GATAD2A: variants seen among roughly 807,000 people sequenced by gnomAD.
The protein encoded by GATAD2A is transcriptional repressor p66-alpha.
A neutral mutation model predicts 68.5 loss-of-function variants in GATAD2A; 12 were observed. The observed-to-expected ratio is 0.18, with a 90% CI of 0.11 to 0.28. The LOEUF is 0.28. Ranked by LOEUF, GATAD2A falls within the 10% of genes least tolerant of loss-of-function variation. The probability of loss-of-function intolerance (pLI) is 1.00; values close to 1 mark genes in which losing one functional copy is unlikely to be tolerated. For missense variants in GATAD2A, 755 were observed against 868.5 expected (o/e 0.87, Z 1.64); for synonymous variants, 410 against 375.3 (o/e 1.09, Z -1.07).
chr19:19,436,217 C>A, intron 1 of GATAD2A: 1 of 1,359,420 alleles, frequency 7.4e-7, no homozygotes. Context: ...ACCCCGAAGC[C>A]AGGTGAGTGC....
intron 2 of GATAD2A, among the ~76,000 whole-genome samples, chr19:19,490,874 G>C (rs2059748222): frequency 6.6e-6 from 1 of 152,186 alleles, no homozygotes; most frequent in Non-Finnish European, 1.5e-5. Flanking sequence ...GACAGAGCAA[G>C]ACTCCATCTC....
At chr19:19,471,459 C>G (rs376081128) in intron 2 of GATAD2A, among the ~76,000 whole-genome samples, 1 of 151,948 alleles carries the variant, frequency 6.6e-6, no homozygotes, top group African/African-American at 2.4e-5. Flanking sequence ...GCATGTCCCC[C>G]CAAAAAGCAA....
At chr19:19,499,793 C>T (rs756574810) in intron 8 of GATAD2A, among the ~76,000 whole-genome samples, 8 of 151,864 alleles carry the variant, frequency 5.3e-5, no homozygotes, top group Non-Finnish European at 8.8e-5. Flanking sequence ...CAGTCGCTCT[C>T]GTAACTCCCG....
At chr19:19,386,262 C>T (rs895666486) in intron 1 of GATAD2A, 3 of 152,900 alleles carry the variant, frequency 2.0e-5, no homozygotes, top group African/African-American at 7.2e-5. Context: ...ACTTCCCCCT[C>T]AGGGGAGCCC....
At chr19:19,454,728 G>GCCCTC (rs2056759458) in intron 1 of GATAD2A, among the ~76,000 whole-genome samples, 1 of 121,616 alleles carries the variant, frequency 8.2e-6, no homozygotes, top group Admixed American at 8.1e-5. Flanking sequence ...GAGCCACTGT[G>GCCCTC]CCCCCCCCCA....
At chr19:19,390,542 G>A (rs1161210050) in intron 1 of GATAD2A, among the ~76,000 whole-genome samples, 2 of 152,180 alleles carry the variant, frequency 1.3e-5, no homozygotes, top group Non-Finnish European at 2.9e-5. Flanking sequence ...TGTGAGATGG[G>A]TTTACTGTAT....
chr19:19,420,275 G>A (rs1467139549), intron 1 of GATAD2A, among the ~76,000 whole-genome samples: 1 of 142,446 alleles, frequency 7.0e-6, no homozygotes, highest in Non-Finnish European at 1.5e-5. Flanking sequence ...CGCCCGCCTC[G>A]GCCTCCCAAA....
intron 11 of GATAD2A, among the ~76,000 whole-genome samples, chr19:19,502,987 G>A (rs993166482): frequency 1.3e-5 from 2 of 152,222 alleles, no homozygotes; most frequent in Admixed American, 1.3e-4. Context: ...CCAGGGCAGC[G>A]GCTGGCTCAC....
chr19:19,436,131 G>T, intron 1 of GATAD2A: 1 of 1,361,704 alleles, frequency 7.3e-7, no homozygotes, highest in Non-Finnish European at 9.8e-7. Context: ...TTTGCTTTAG[G>T]TTGGTCAGCA....
intron 1 of GATAD2A, among the ~76,000 whole-genome samples, chr19:19,424,921 C>T (rs2052887648): frequency 6.6e-6 from 1 of 151,760 alleles, no homozygotes. Context: ...TGAGACCATC[C>T]TGGGCAACAT....
intron 1 of GATAD2A, chr19:19,435,202 A>G (rs1391949145): frequency 2.0e-6 from 1 of 493,452 alleles, no homozygotes; most frequent in Non-Finnish European, 4.3e-6. Flanking sequence ...ACATACTCCT[A>G]AGTACCTATT....
At chr19:19,410,450 A>T (rs1251169431) in intron 1 of GATAD2A, among the ~76,000 whole-genome samples, 1 of 152,150 alleles carries the variant, frequency 6.6e-6, no homozygotes, top group Middle Eastern at 3.4e-3. Flanking sequence ...GTGGTACAGG[A>T]TTGGGGAGAA....
intron 2 of GATAD2A, chr19:19,473,965 A>T (rs1048481351): frequency 1.6e-5 from 13 of 818,854 alleles, no homozygotes; most frequent in Admixed American, 1.2e-4. Flanking sequence ...AAAACAACAC[A>T]TATTAACACC....
chr19:19,493,085 C>T (rs960179535), intron 4 of GATAD2A, among the ~76,000 whole-genome samples: 4 of 151,970 alleles, frequency 2.6e-5, no homozygotes, highest in Admixed American at 6.6e-5. Context: ...GGACTACAGG[C>T]GCGTGCCACC....
chr19:19,481,429 CA>C (rs781251231), intron 2 of GATAD2A, among the ~76,000 whole-genome samples: 2 of 152,210 alleles, frequency 1.3e-5, no homozygotes, highest in Non-Finnish European at 2.9e-5. Flanking sequence ...CTCCTGGGCT[CA>C]AGTGATCCTT....
intron 1 of GATAD2A, among the ~76,000 whole-genome samples, chr19:19,439,535 G>A (rs1337991808): frequency 6.6e-6 from 1 of 152,094 alleles, no homozygotes; most frequent in Non-Finnish European, 1.5e-5. Context: ...TTCTCTCAGG[G>A]GTATTTGCAA....
chr19:19,404,608 G>C (rs1355988914), upstream of GATAD2A, among the ~76,000 whole-genome samples: 1 of 152,150 alleles, frequency 6.6e-6, no homozygotes, highest in Non-Finnish European at 1.5e-5. Context: ...GTGAACCTGG[G>C]AAGTGGAGGT....
At chr19:19,498,155 C>T (rs569272320) in intron 7 of GATAD2A, among the ~76,000 whole-genome samples, 2 of 152,340 alleles carry the variant, frequency 1.3e-5, no homozygotes, top group East Asian at 1.9e-4. Context: ...ATTCACATGG[C>T]GGAGCACAGC....
At position 19,506,248 on chromosome 19, in the gene GATAD2A, G is replaced by C. The variant is rs879069076; in HGVS notation, c.*774G>C. ...CCCGCACCTTCCAGACTTAGCAGAA[G>C]AACAAACTGAAGAACAGACCCAGCC... is the stretch of plus-strand genomic sequence containing the variant. On this transcript the variant is annotated 3_prime_UTR_variant, in exon 12 of 12. Transcript: ENST00000683918. 10 of 398,302 alleles carry C rather than the reference G, an allele frequency of 2.5e-5. No homozygotes were observed. Among genetic ancestry groups the C allele is most frequent in the Middle Eastern group, 6.2e-4 (1 of 1,610 alleles). The allele number at this position is 398,302 out of a possible 1,614,324, so 24.7% of individuals were successfully genotyped here.
Sources: allele counts gnomAD v4.1 joint callset (sites outside exome capture counted in the v4.1 genomes callset), GRCh38; gene constraint gnomAD v4.1.1; transcripts MANE v1.5; gene names NCBI Gene and HGNC (gene_info 2026-07-23, HGNC 2026-07-21).